Variants in STT3B observed in about 807,000 individuals in gnomAD.
STT3B encodes the protein dolichyl-diphosphooligosaccharide--protein glycosyltransferase subunit STT3B.
A neutral mutation model predicts 96.8 loss-of-function variants in STT3B; 29 were observed. The ratio of observed to expected loss-of-function variants is 0.30; its 90% CI spans 0.22 to 0.41. The LOEUF is 0.41. STT3B is among the 10% of genes least tolerant of loss of function. The probability of loss-of-function intolerance (pLI) is 1.00; values close to 1 mark genes in which losing one functional copy is unlikely to be tolerated. For synonymous variants in STT3B, 367 were observed against 360.0 expected, an observed-to-expected ratio of 1.02 and a Z score of -0.22; for missense variants, 640 against 1,022.3, an observed-to-expected ratio of 0.63 and a Z score of 5.10.
Position 31,576,438 on chromosome 3 carries a change from C to T in STT3B, c.357C>T (p.Phe119=). ...CACATCATCTTGCATCTCATGGGTT[C>T]TATGAATTTTTAAATTGGTTTGATG... ...RSTHHLASHG[F]YEFLNWFDER... is the part of the protein sequence containing the mutation. Residue 119 remains phenylalanine (F), a synonymous_variant, in exon 2 of 16, where the codon TTC becomes TTT. Transcript: ENST00000295770. 6.2e-7 allele frequency: 1 copy of T among 1,605,822 alleles called. No homozygotes were observed. Among genetic ancestry groups the T allele is most frequent in the Non-Finnish European group, 8.5e-7 (1 of 1,175,490 alleles).
intron 1 of STT3B, 40 bp from the exon 2 acceptor site, chr3:31,576,356 A>T: frequency 8.4e-7 from 1 of 1,186,490 alleles, no homozygotes; most frequent in Admixed American, 2.2e-5. Flanking sequence ...TATTTCTATT[A>T]AGCAGTTTTA....
At chr3:31,598,900 C>T (rs1169113081) in intron 4 of STT3B, among the ~76,000 whole-genome samples, 1 of 151,854 alleles carries the variant, frequency 6.6e-6, no homozygotes, top group African/African-American at 2.4e-5. Context: ...GTCTCTGCCT[C>T]CTGGGTTCAA....
intron 1 of STT3B, among the ~76,000 whole-genome samples, chr3:31,562,875 GGGATCCAGCA>G (rs1398846619): frequency 1.3e-5 from 2 of 152,156 alleles, no homozygotes; most frequent in Non-Finnish European, 2.9e-5. Flanking sequence ...AGTGATTCGT[GGGATCCAGCA>G]TGAGCTGTCT....
At chr3:31,564,381 C>T (rs1697952143) in intron 1 of STT3B, among the ~76,000 whole-genome samples, 1 of 152,150 alleles carries the variant, frequency 6.6e-6, no homozygotes, top group Admixed American at 6.5e-5. Context: ...TCATATTTGC[C>T]CAGAGGCAAA....
intron 11 of STT3B, among the ~76,000 whole-genome samples, chr3:31,624,235 C>T (rs1435008154): frequency 2.0e-5 from 3 of 152,140 alleles, no homozygotes; most frequent in East Asian, 1.9e-4. Context: ...CACTCTCCCC[C>T]GCCCCTGCCA....
intron 14 of STT3B, among the ~76,000 whole-genome samples, chr3:31,630,400 G>A (rs975326392): frequency 6.6e-6 from 1 of 152,062 alleles, no homozygotes; most frequent in African/African-American, 2.4e-5. Context: ...CCATCTTGAA[G>A]GCCTAAGACC....
intron 1 of STT3B, among the ~76,000 whole-genome samples, chr3:31,548,318 G>C (rs1047609626): frequency 2.0e-5 from 3 of 151,584 alleles, no homozygotes; most frequent in African/African-American, 7.3e-5. Context: ...CAGGGAAAAT[G>C]AGCCATTTAA....
chr3:31,578,851 A>G (rs1424825895), intron 2 of STT3B, among the ~76,000 whole-genome samples: 1 of 152,130 alleles, frequency 6.6e-6, no homozygotes, highest in African/African-American at 2.4e-5. Context: ...TAGTACGTCA[A>G]ATGATGATAA....
chr3:31,559,402 TTTTG>T (rs1697808518), intron 1 of STT3B, among the ~76,000 whole-genome samples: 2 of 151,816 alleles, frequency 1.3e-5, no homozygotes, highest in African/African-American at 4.8e-5. Flanking sequence ...ATGTTTAGAT[TTTTG>T]TTTGTTCCAA....
At position 31,533,085 on chromosome 3, in the gene STT3B, C is replaced by T. The variant is rs777810394; in HGVS notation, c.87C>T (p.Ser29=). 8 of 1,534,062 alleles carry T rather than the reference C, an allele frequency of 5.2e-6. No individual in the cohort carries two copies. In the Admixed American group the frequency reaches 1.2e-4, roughly 23 times the overall value. The change falls in exon 1 of 16, where the codon AGC becomes AGT. Residue 29 remains serine (S), a synonymous_variant. Transcript: ENST00000295770. ...PWSGLMALGN[S]RHGHHGPGAQ... ...GTGGCCTCATGGCCCTGGGAAACAGCCGGCACGGCCACCACGGGCCCGGGG... is the reference window on the plus strand; with the variant it reads ...GTGGCCTCATGGCCCTGGGAAACAGTCGGCACGGCCACCACGGGCCCGGGG...
intron 1 of STT3B, among the ~76,000 whole-genome samples, chr3:31,562,214 C>A (rs1276924901): frequency 6.6e-6 from 1 of 152,090 alleles, no homozygotes; most frequent in African/African-American, 2.4e-5. Context: ...TGGGTGATTG[C>A]AGTAGCAGCG....
At chr3:31,626,673 A>G (rs1232227281) in intron 13 of STT3B, among the ~76,000 whole-genome samples, 2 of 152,156 alleles carry the variant, frequency 1.3e-5, no homozygotes, top group Non-Finnish European at 2.9e-5. Flanking sequence ...CACTAGGTCT[A>G]GTTCTAGGAT....
At chr3:31,559,568 T>G (rs1042041496) in intron 1 of STT3B, among the ~76,000 whole-genome samples, 5 of 152,132 alleles carry the variant, frequency 3.3e-5, no homozygotes, top group African/African-American at 1.2e-4. Flanking sequence ...GAGAAGATAC[T>G]TGATATTGTT....
In STT3B at chr3:31,623,823, T is replaced by C. The variant is rs765096404; in HGVS notation, c.1689T>C (p.Ser563=). The C allele has an allele frequency of 4.5e-5, 73 of 1,613,698 alleles. No homozygotes were observed. Among genetic ancestry groups the C allele is most frequent in the Non-Finnish European group, 5.9e-5 (70 of 1,179,790 alleles). ...HCTWVTSNAY[S]SPSVVLASYN... is the part of the protein sequence containing the mutation. The stretch of plus-strand genomic sequence containing the variant: ...CCTGGGTCACAAGCAATGCCTACTC[T>C]AGTCCAAGTGTAGTCCTGGCCTCAT... Residue 563 remains serine, a synonymous_variant, in exon 11 of 16, where the codon TCT becomes TCC. Coordinates refer to ENST00000295770, the MANE Select transcript of STT3B (RefSeq NM_178862.3).
At position 31,532,979 on chromosome 3, in the gene STT3B, A is replaced by T; in HGVS notation, c.-20A>T. 1 of 1,576,904 alleles carries T rather than the reference A, an allele frequency of 6.3e-7. No individual in the cohort carries two copies. Among genetic ancestry groups the T allele is most frequent in the South Asian group, 1.1e-5 (1 of 88,286 alleles). ...GGCGGCGGCGGAGGAGGAGAGCTAG[A>T]CCCGCCGCCGGGGCACAACATGGCG... On this transcript the variant is annotated 5_prime_UTR_variant, in exon 1 of 16. Transcript: ENST00000295770.
chr3:31,588,336 C>T (rs1698592621), intron 3 of STT3B, among the ~76,000 whole-genome samples: 1 of 151,942 alleles, frequency 6.6e-6, no homozygotes, highest in African/African-American at 2.4e-5. Flanking sequence ...ATATTTGTCT[C>T]AAATATTTAT....
At chr3:31,616,617 C>T (rs1699312172) in intron 6 of STT3B, among the ~76,000 whole-genome samples, 1 of 151,706 alleles carries the variant, frequency 6.6e-6, no homozygotes, top group South Asian at 2.1e-4. Context: ...AGAAAACCCC[C>T]CTAAAATATA....
chr3:31,568,823 A>G (rs954566982), intron 1 of STT3B, among the ~76,000 whole-genome samples: 10 of 152,204 alleles, frequency 6.6e-5, no homozygotes, highest in African/African-American at 2.2e-4. Context: ...GACAAGATCT[A>G]TGGAAGGAAA....
intron 5 of STT3B, among the ~76,000 whole-genome samples, chr3:31,608,404 G>A (rs1699106235): frequency 6.9e-6 from 1 of 145,360 alleles, no homozygotes; most frequent in Admixed American, 7.0e-5. Flanking sequence ...ATATTTTAGA[G>A]GTTATTGGGG....
Sources: allele counts gnomAD v4.1 joint callset (sites outside exome capture counted in the v4.1 genomes callset), GRCh38; gene constraint gnomAD v4.1.1; transcripts MANE v1.5; gene names NCBI Gene and HGNC (gene_info 2026-07-23, HGNC 2026-07-21).